The following TGFB2 variants were observed in gnomAD, a reference collection of about 807,000 sequenced individuals.
TGFB2 encodes transforming growth factor beta 2, also known as transforming growth factor beta-2 proprotein.
In TGFB2, 13 loss-of-function variants were observed where a neutral mutation model predicts 42.7. The ratio of observed to expected loss-of-function variants is 0.30; its 90% CI spans 0.20 to 0.48. The LOEUF (loss-of-function observed/expected upper bound fraction) is 0.48, where lower values mean the gene tolerates loss of function less well. Ranked by LOEUF, TGFB2 falls within the 20% of genes least tolerant of loss-of-function variation. The probability of loss-of-function intolerance (pLI) is 0.99; values close to 1 mark genes in which losing one functional copy is unlikely to be tolerated. For missense variants in TGFB2, 390 were observed against 517.5 expected (o/e 0.75, Z 2.39); for synonymous variants, 193 against 193.6 (o/e 1.00, Z 0.03).
Position 218,346,542 on chromosome 1 carries a change from T to A in TGFB2, c.-160T>A. 1.7e-6 allele frequency: 1 copy of A among 600,176 alleles called. No individual in the cohort carries two copies. The highest frequency in any genetic ancestry group is 2.8e-6 in the Non-Finnish European group (1 of 357,682). The allele number at this position is 600,176 out of a possible 1,614,324, so 37.2% of individuals were successfully genotyped here. On this transcript the variant is annotated 5_prime_UTR_variant, in exon 1 of 7. Coordinates refer to ENST00000366930, the MANE Select transcript of TGFB2 (RefSeq NM_003238.6). This position sits in a 1 kb window ranked among gnomAD's most constrained non-coding sequence, Gnocchi z 4.9. Reference sequence around the variant, plus strand: ...AAAGGAATTCAAGCAGGATACGTTTTTCTGTTGGGCATTGACTAGATTGTT... The same window carrying A: ...AAAGGAATTCAAGCAGGATACGTTTATCTGTTGGGCATTGACTAGATTGTT...
At chr1:218,425,181 G>T (rs531539354) in intron 2 of TGFB2, among the ~76,000 whole-genome samples, 1 of 152,064 alleles carries the variant, frequency 6.6e-6, no homozygotes, top group Non-Finnish European at 1.5e-5. Context: ...AGTGCTTCAG[G>T]CTTCCGTTTT....
intron 1 of TGFB2, among the ~76,000 whole-genome samples, chr1:218,355,058 A>G (rs1656989296): frequency 6.6e-6 from 1 of 152,118 alleles, no homozygotes; most frequent in African/African-American, 2.4e-5. Context: ...ATGTGCCACC[A>G]CGCCCAGCTA....
At chr1:218,371,035 C>G (rs1033446461) in intron 1 of TGFB2, among the ~76,000 whole-genome samples, 1 of 152,198 alleles carries the variant, frequency 6.6e-6, no homozygotes, top group East Asian at 1.9e-4. Context: ...CGCAGTGGCT[C>G]GTGCCTGTAA....
intron 1 of TGFB2, among the ~76,000 whole-genome samples, chr1:218,348,056 T>A (rs1302041935): frequency 6.6e-6 from 1 of 151,238 alleles, no homozygotes; most frequent in Non-Finnish European, 1.5e-5. Flanking sequence ...GTAGAATGAT[T>A]TCAGAGTTCT....
At chr1:218,422,982 A>G (rs1184616501) in intron 2 of TGFB2, among the ~76,000 whole-genome samples, 1 of 152,186 alleles carries the variant, frequency 6.6e-6, no homozygotes, top group Non-Finnish European at 1.5e-5. Context: ...TTTGAATATT[A>G]TTAGTTATTA....
intron 1 of TGFB2, among the ~76,000 whole-genome samples, chr1:218,397,251 G>T (rs1276553607): frequency 2.1e-5 from 3 of 140,606 alleles, no homozygotes; most frequent in African/African-American, 8.2e-5. Context: ...CTGGGCCACA[G>T]AGCAAGACTC....
In TGFB2 at chr1:218,436,089, G is replaced by A. The variant is rs1420202420; in HGVS notation, c.874G>A (p.Glu292Lys). The A allele has an allele frequency of 6.2e-7, 1 of 1,614,026 alleles. No individual in the cohort carries two copies. The highest frequency in any genetic ancestry group is 1.3e-5 in the African/African-American group (1 of 74,944). The change falls in exon 5 of 7, where the codon GAG (glutamate) becomes AAG (lysine). Residue 292 changes from glutamate (E) to lysine (K), a missense_variant. Coordinates refer to ENST00000366930, the MANE Select transcript of TGFB2 (RefSeq NM_003238.6). ...AATGTTATTGCCCTCCTACAGACTT[G>A]AGTCACAACAGACCAACCGGCGGAA... ...LLMLLPSYRL[E>K]SQQTNRRKKR...
intron 1 of TGFB2, among the ~76,000 whole-genome samples, chr1:218,380,152 T>C (rs1185292465): frequency 6.6e-6 from 1 of 152,222 alleles, no homozygotes; most frequent in Non-Finnish European, 1.5e-5. Flanking sequence ...TCAAAGTCGC[T>C]GCCATCGTCA....
intron 1 of TGFB2, among the ~76,000 whole-genome samples, chr1:218,355,318 A>G (rs1558224620): frequency 6.6e-6 from 1 of 152,228 alleles, no homozygotes; most frequent in Non-Finnish European, 1.5e-5. Context: ...ATATACAATG[A>G]GCATGATGAC....
intron 2 of TGFB2, among the ~76,000 whole-genome samples, chr1:218,426,880 C>A (rs1368123528): frequency 6.6e-6 from 1 of 152,122 alleles, no homozygotes; most frequent in African/African-American, 2.4e-5. Flanking sequence ...AGGCCAAGGA[C>A]TTTTCTTTGA....
At chr1:218,380,636 T>C (rs1657929189) in intron 1 of TGFB2, among the ~76,000 whole-genome samples, 1 of 152,118 alleles carries the variant, frequency 6.6e-6, no homozygotes, top group African/African-American at 2.4e-5. Context: ...ATGCCAAGCA[T>C]TCCAGACCTG....
chr1:218,349,332 C>A (rs1316902608), intron 1 of TGFB2, among the ~76,000 whole-genome samples: 4 of 151,484 alleles, frequency 2.6e-5, no homozygotes, highest in African/African-American at 7.3e-5. Flanking sequence ...ATATAGCAAA[C>A]CCTTCCAAAA....
chr1:218,434,777 G>C (rs1659918484), intron 4 of TGFB2, among the ~76,000 whole-genome samples: 1 of 152,142 alleles, frequency 6.6e-6, no homozygotes, highest in Non-Finnish European at 1.5e-5. Flanking sequence ...TATAGAGAAA[G>C]ATAGAATGTG....
chr1:218,365,373 C>T (rs1019159048), intron 1 of TGFB2, among the ~76,000 whole-genome samples: 14 of 152,184 alleles, frequency 9.2e-5, no homozygotes, highest in East Asian at 1.9e-4. Flanking sequence ...GTTCTTCGGG[C>T]GGTTTTTCTT....
chr1:218,365,525 G>A (rs1380314039), intron 1 of TGFB2, among the ~76,000 whole-genome samples: 2 of 152,160 alleles, frequency 1.3e-5, no homozygotes, highest in Non-Finnish European at 1.5e-5. Context: ...GTGTGGAAGG[G>A]GAGATGGGGC....
At chr1:218,359,946 A>T (rs1178483218) in intron 1 of TGFB2, among the ~76,000 whole-genome samples, 14 of 152,320 alleles carry the variant, frequency 9.2e-5, no homozygotes, top group Non-Finnish European at 1.8e-4. Context: ...AATAGCCCTT[A>T]TGAGGGAATA....
rs1035872048 is a variant in TGFB2, at chr1:218,409,043, C to T, written c.510+3711C>T. 5.3e-5 allele frequency among the ~76,000 whole-genome samples: 8 copies of T among 152,176 alleles called. No individual in the cohort carries two copies. The East Asian group carries it at 5.8e-4, about 11-fold the overall frequency. On this transcript the variant is annotated intron_variant, in intron 2 of 6. Transcript: ENST00000366930. ...GAGCGTGCAACCTAGATCCCTAGCACGTGCAGTTCACAATAGGGTTCTTGC... is the reference window on the plus strand; with the variant it reads ...GAGCGTGCAACCTAGATCCCTAGCATGTGCAGTTCACAATAGGGTTCTTGC...
chr1:218,389,666 G>T (rs1028866748), intron 1 of TGFB2, among the ~76,000 whole-genome samples: 1 of 152,134 alleles, frequency 6.6e-6, no homozygotes, highest in Non-Finnish European at 1.5e-5. Flanking sequence ...AGTGTATATG[G>T]GTGCTTATCA....
At chr1:218,419,399 T>C (rs1342503964) in intron 2 of TGFB2, among the ~76,000 whole-genome samples, 1 of 152,190 alleles carries the variant, frequency 6.6e-6, no homozygotes, top group Non-Finnish European at 1.5e-5. Flanking sequence ...GTACCTAAGA[T>C]CTCAGAGTCG....
Sources: gnomAD v4.1 joint callset for allele counts (sites outside exome capture counted in the v4.1 genomes callset) on GRCh38, gnomAD v4.1.1 for gene constraint, Gnocchi (gnomAD v3.1) non-coding constraint, MANE v1.5 for transcripts, NCBI Gene and HGNC (gene_info 2026-07-23, HGNC 2026-07-21) for gene names.